Variants in CNTN3 observed in about 807,000 individuals in gnomAD.
CNTN3 encodes contactin 3, also known as contactin-3.
A neutral mutation model predicts 119.1 loss-of-function variants in CNTN3; 60 were observed. The ratio of observed to expected loss-of-function variants is 0.50; its 90% CI spans 0.41 to 0.62. CNTN3 has a LOEUF of 0.62. CNTN3 is among the 20% of genes least tolerant of loss of function. The pLI is 0.00. For missense variants in CNTN3, 1,101 were observed against 1,242.4 expected (o/e 0.89, Z 1.71); for synonymous variants, 450 against 438.7 (o/e 1.03, Z -0.32).
rs748086416 is a variant in CNTN3, at chr3:74,301,700, T to C, written c.1892A>G (p.Tyr631Cys). Residue 631 changes from tyrosine (Y) to cysteine (C), a missense_variant, in exon 15 of 23, where the codon TAT (tyrosine) becomes TGT (cysteine). Physicochemically the swap from Tyr to Cys is radical, Grantham distance 194. Coordinates refer to ENST00000263665, the MANE Select transcript of CNTN3 (RefSeq NM_020872.3). Reference sequence around the variant, plus strand: ...GAAAGGTGTCCGAGCCTGGATAGAATAGGATATAACTGGGCTATGGTTGTC... The same window carrying C: ...GAAAGGTGTCCGAGCCTGGATAGAACAGGATATAACTGGGCTATGGTTGTC... Reference protein sequence around the residue: ...GKDNHSPVISYSIQARTPFSV... With the variant: ...GKDNHSPVISCSIQARTPFSV... 5 of 1,613,988 alleles carry C rather than the reference T, an allele frequency of 3.1e-6. No homozygotes were observed. The highest frequency in any genetic ancestry group is 1.3e-5 in the African/African-American group (1 of 74,932).
chr3:74,540,159 C>A (rs1290441080), intron 1 of CNTN3, among the ~76,000 whole-genome samples: 1 of 152,064 alleles, frequency 6.6e-6, no homozygotes, highest in Non-Finnish European at 1.5e-5. Context: ...CTGTGAGCTT[C>A]CTAATTCTCT....
At chr3:74,332,701 G>C (rs1309533135) in intron 13 of CNTN3, among the ~76,000 whole-genome samples, 2 of 152,204 alleles carry the variant, frequency 1.3e-5, no homozygotes, top group Non-Finnish European at 2.9e-5. Flanking sequence ...AGCTAAGACA[G>C]AGGAACCGTA....
chr3:74,611,490 G>A (rs548755694), intron 1 of CNTN3, among the ~76,000 whole-genome samples: 3 of 152,090 alleles, frequency 2.0e-5, no homozygotes, highest in Admixed American at 6.5e-5. Flanking sequence ...ATGAGTGCAG[G>A]GGAGACTATA....
chr3:74,490,932 A>G (rs1449625281), intron 3 of CNTN3, among the ~76,000 whole-genome samples: 2 of 152,184 alleles, frequency 1.3e-5, no homozygotes, highest in South Asian at 4.1e-4. Flanking sequence ...GCCTAATACT[A>G]TTCATCATTA....
rs1309630167 is a variant in CNTN3 at position 74,521,132 on chromosome 3, G to C, written c.-20C>G. 3 of 1,557,532 alleles carry C rather than the reference G, an allele frequency of 1.9e-6. No homozygotes were observed. Among genetic ancestry groups the C allele is most frequent in the Non-Finnish European group, 2.6e-6 (3 of 1,137,892 alleles). On this transcript the variant is annotated 5_prime_UTR_variant, in exon 2 of 23. Transcript: ENST00000263665. Reference sequence around the variant, plus strand: ...CATCATCTTTAATTGCCAAATGCAAGAGTAACTCTTGTCCAGTCTCTGATG... The same window carrying C: ...CATCATCTTTAATTGCCAAATGCAACAGTAACTCTTGTCCAGTCTCTGATG...
chr3:74,439,511 T>A (rs764398473), intron 4 of CNTN3, among the ~76,000 whole-genome samples: 14 of 152,164 alleles, frequency 9.2e-5, no homozygotes, highest in Non-Finnish European at 1.9e-4. Context: ...TAAAGTTGCA[T>A]ATATTTCATC....
chr3:74,594,391 C>A (rs1704760118), intron 1 of CNTN3, among the ~76,000 whole-genome samples: 1 of 151,022 alleles, frequency 6.6e-6, no homozygotes, highest in Non-Finnish European at 1.5e-5. Flanking sequence ...GCACTGCACC[C>A]ATTAACTCAT....
At chr3:74,586,916 T>G (rs1704602518) in intron 1 of CNTN3, among the ~76,000 whole-genome samples, 1 of 152,056 alleles carries the variant, frequency 6.6e-6, no homozygotes, top group African/African-American at 2.4e-5. Context: ...GTATCTGTAG[T>G]GTTTGCCTGC....
chr3:74,474,629 G>A (rs184977254), intron 4 of CNTN3, among the ~76,000 whole-genome samples: 2 of 152,168 alleles, frequency 1.3e-5, no homozygotes, highest in African/African-American at 4.8e-5. Flanking sequence ...AAGTAGCTGG[G>A]ACTACCAGCA....
At chr3:74,363,749 C>T (rs964315895) in intron 10 of CNTN3, among the ~76,000 whole-genome samples, 3 of 152,046 alleles carry the variant, frequency 2.0e-5, no homozygotes, top group Non-Finnish European at 4.4e-5. Context: ...TATTTGAACA[C>T]TGGACCAAAT....
chr3:74,335,028 A>G, intron 12 of CNTN3, 118 bp from the exon 13 acceptor site: 2 of 610,804 alleles, frequency 3.3e-6, no homozygotes, highest in Non-Finnish European at 5.6e-6. Context: ...ATACATAAAT[A>G]TACATACATC....
chr3:74,313,821 A>T (rs540225852), intron 13 of CNTN3, among the ~76,000 whole-genome samples: 2 of 152,096 alleles, frequency 1.3e-5, no homozygotes, highest in Non-Finnish European at 2.9e-5. Context: ...AATGTGTCAG[A>T]CCCTCAATCT....
chr3:74,612,819 T>C (rs530241173), intron 1 of CNTN3, among the ~76,000 whole-genome samples: 1 of 152,328 alleles, frequency 6.6e-6, no homozygotes, highest in African/African-American at 2.4e-5. Context: ...GCCAACATCC[T>C]TCCATTTAGT....
chr3:74,594,688 G>C (rs1258279493), intron 1 of CNTN3, among the ~76,000 whole-genome samples: 2 of 151,256 alleles, frequency 1.3e-5, no homozygotes, highest in Admixed American at 1.3e-4. Context: ...TCTTAATCCA[G>C]TCTATCATTG....
chr3:74,592,129 A>C (rs1559671319), intron 1 of CNTN3, among the ~76,000 whole-genome samples: 1 of 151,950 alleles, frequency 6.6e-6, no homozygotes, highest in Non-Finnish European at 1.5e-5. Context: ...AAGAAATACC[A>C]CTGAGATCTT....
intron 11 of CNTN3, among the ~76,000 whole-genome samples, chr3:74,355,579 CCAGTAGCTGTGATTA>C (rs1214730299): frequency 1.3e-5 from 2 of 151,942 alleles, no homozygotes; most frequent in Non-Finnish European, 2.9e-5. Flanking sequence ...CTCAGTCTCC[CCAGTAGCTGTGATTA>C]CAGAAGTGTG....
intron 4 of CNTN3, among the ~76,000 whole-genome samples, chr3:74,431,477 T>TA (rs1214790543): frequency 6.6e-6 from 1 of 152,172 alleles, no homozygotes; most frequent in Non-Finnish European, 1.5e-5. Context: ...TAAATTTGAG[T>TA]AAACTTGTGT....
In CNTN3 at chr3:74,459,925, C is replaced by A. The variant is rs138284348; in HGVS notation, c.358+26531G>T. 6.8e-3 allele frequency among the ~76,000 whole-genome samples: 1,027 copies of A among 152,102 alleles called. 16 individuals carry two copies. Among genetic ancestry groups the A allele is most frequent in the African/African-American group, 0.024 (983 of 41,536 alleles). On this transcript the variant is annotated intron_variant, in intron 4 of 22. Coordinates refer to ENST00000263665, the MANE Select transcript of CNTN3 (RefSeq NM_020872.3). ...AACATCTGTAACTTTTTTCAGTTAA[C>A]ATAATAGTTTACCTTTATTGCACAC...
At chr3:74,317,857 T>C (rs1278613377) in intron 13 of CNTN3, among the ~76,000 whole-genome samples, 1 of 152,202 alleles carries the variant, frequency 6.6e-6, no homozygotes, top group East Asian at 1.9e-4. Flanking sequence ...TGCCGTTCTC[T>C]GTATTTCCTG....
Sources: gnomAD v4.1 joint callset for allele counts (sites outside exome capture counted in the v4.1 genomes callset) on GRCh38, gnomAD v4.1.1 for gene constraint, MANE v1.5 for transcripts, NCBI Gene and HGNC (gene_info 2026-07-23, HGNC 2026-07-21) for gene names.